RYR1: variants seen among roughly 807,000 people sequenced by gnomAD.
RYR1 encodes the protein ryanodine receptor 1, also known as central core disease of muscle.
In RYR1, 342 loss-of-function variants were observed where a neutral mutation model predicts 583.5. The observed-to-expected ratio is 0.59, with a 90% CI of 0.54 to 0.64. The LOEUF is 0.64. RYR1 is among the 30% of genes least tolerant of loss of function. The pLI, the probability that RYR1 is intolerant of heterozygous loss-of-function variation, is 0.00. For synonymous variants in RYR1, 2,791 were observed against 2,822.5 expected, an observed-to-expected ratio of 0.99 and a Z score of 0.35; for missense variants, 6,032 against 6,917.2, an observed-to-expected ratio of 0.87 and a Z score of 4.54.
At chr19:38,535,490 C>T (rs969703438) in intron 81 of RYR1, 98 bp downstream of exon 81, 13 of 926,560 alleles carry the variant, frequency 1.4e-5, no homozygotes, top group Non-Finnish European at 2.2e-5. Flanking sequence ...TCTTTCAGTC[C>T]AGGGAAAGAG....
rs112308583 is a variant in RYR1 at position 38,581,798 on chromosome 19, G to A, written c.14646+1294G>A. Among the ~76,000 whole-genome samples, 922 of 150,948 alleles carry A rather than the reference G, an allele frequency of 6.1e-3. 2 individuals are homozygous for A. The highest frequency in any genetic ancestry group is 8.6e-3 in the Non-Finnish European group (581 of 67,752). On this transcript the variant is annotated intron_variant, in intron 101 of 105. Transcript: ENST00000359596. ...ATTTTTAGTAGAGATGGAGGTGGGG[G>A]GGTCTCACAATGTTGGCCAGGCTTG...
rs1264401917 is a variant in RYR1 at position 38,517,677 on chromosome 19, T to G, written c.10004T>G (p.Met3335Arg). The G allele has an allele frequency of 6.2e-7, 1 of 1,614,110 alleles. No homozygotes were observed. The change falls in exon 66 of 106, where the codon ATG (methionine) becomes AGG (arginine). Residue 3335 changes from methionine to arginine, a missense_variant. Met to Arg is a moderately conservative substitution (Grantham distance 91, BLOSUM62 -1). Transcript: ENST00000359596. The part of the protein sequence containing the change: ...NNLGIDEASW[M>R]KRLAVFAQPI... ...CTGGGCATTGACGAGGCCTCCTGGA[T>G]GAAGCGGCTGGCTGGTGGGTCGGGG...
intron 29 of RYR1, 37 bp downstream of exon 29, chr19:38,475,487 G>C: frequency 3.1e-6 from 5 of 1,611,074 alleles, no homozygotes; most frequent in Non-Finnish European, 4.2e-6. Flanking sequence ...GGGTCCCCCC[G>C]CATAGCATAG....
intron 76 of RYR1, among the ~76,000 whole-genome samples, chr19:38,531,741 C>CA (rs564846148): frequency 8.6e-5 from 13 of 151,976 alleles, no homozygotes; most frequent in Non-Finnish European, 1.3e-4. Context: ...CCTGTCTCTA[C>CA]AAAAAAATGG....
intron 42 of RYR1, among the ~76,000 whole-genome samples, chr19:38,498,703 C>T (rs1451614524): frequency 6.6e-6 from 1 of 152,152 alleles, no homozygotes; most frequent in Non-Finnish European, 1.5e-5. Context: ...ATTGCCATGA[C>T]ATTTGTAAAC....
chr19:38,440,336 C>T (rs962889446), intron 1 of RYR1, among the ~76,000 whole-genome samples: 6 of 151,994 alleles, frequency 3.9e-5, no homozygotes, highest in African/African-American at 9.7e-5. Context: ...GTCAGGAGTT[C>T]GAGAGCAGCC....
In RYR1 at chr19:38,578,269, C is replaced by T. The variant is rs369244918; in HGVS notation, c.14364+65C>T. 33 of 1,539,992 alleles carry T rather than the reference C, an allele frequency of 2.1e-5. No homozygotes were observed. In the African/African-American group the frequency reaches 3.0e-4, roughly 14 times the overall value. On this transcript the variant is annotated intron_variant, in intron 99 of 105. Coordinates refer to ENST00000359596, the MANE Select transcript of RYR1 (RefSeq NM_000540.3). ...GGTGGGGCGTTAGGAGGGTTCCCAA[C>T]GTCGGGTGTTCCTGACCAAAGAATG...
In RYR1 at chr19:38,499,405, T is replaced by C. The variant is rs1455482017; in HGVS notation, c.7027+162T>C. ...GGGGCCTGTGTTACCCCTGGAGGTGTTGGGTCCTGTGGCTGGCAGTGTTGG... is the reference window on the plus strand; with the variant it reads ...GGGGCCTGTGTTACCCCTGGAGGTGCTGGGTCCTGTGGCTGGCAGTGTTGG... On this transcript the variant is annotated intron_variant, in intron 43 of 105. Coordinates refer to ENST00000359596, the MANE Select transcript of RYR1 (RefSeq NM_000540.3). This position sits in a 1 kb window ranked among gnomAD's most constrained non-coding sequence, Gnocchi z 7.3. Among the ~76,000 whole-genome samples, 3 of 151,754 alleles carry C rather than the reference T, an allele frequency of 2.0e-5. No homozygotes were observed. Among genetic ancestry groups the C allele is most frequent in the Non-Finnish European group, 2.9e-5 (2 of 67,908 alleles).
In RYR1 at chr19:38,467,620, G is replaced by GACTGCAC; in HGVS notation, c.3190_3191insCTGCACA (p.Asn1064ThrfsTer8). ...TGGCCTCATTTATAGGTCAGGTGGA[G>GACTGCAC]AACCAGTCTCGTTGTGACCGGGTGC... On this transcript the variant is annotated frameshift_variant, in exon 25 of 106. Coordinates refer to ENST00000359596, the MANE Select transcript of RYR1 (RefSeq NM_000540.3). LOFTEE classifies it high-confidence loss of function. 1 of 1,614,220 alleles carries GACTGCAC rather than the reference G, an allele frequency of 6.2e-7. No homozygotes were observed.
chr19:38,482,919 C>T (rs962503280), intron 31 of RYR1, 108 bp from the exon 32 acceptor site: 1 of 978,338 alleles, frequency 1.0e-6, no homozygotes, highest in Non-Finnish European at 1.7e-6. Context: ...TTTGGAGCCT[C>T]TAACGCCCAG....
intron 20 of RYR1, among the ~76,000 whole-genome samples, chr19:38,461,109 G>A (rs368752546): frequency 6.6e-6 from 1 of 152,182 alleles, no homozygotes; most frequent in African/African-American, 2.4e-5. Flanking sequence ...AGCCAAGATC[G>A]TGCCACTACA....
chr19:38,534,753 C>A lies in RYR1; in HGVS notation c.11293C>A (p.Gln3765Lys). The A allele has an allele frequency of 6.2e-7, 1 of 1,614,048 alleles. No homozygotes were observed. The highest frequency in any genetic ancestry group is 1.1e-5 in the South Asian group (1 of 91,022). ...GATGGAGAAGCAGAGGCTCTTGTAC[C>A]AGCAAGCACGGCTGCACACCCGGGG... ...KQMEKQRLLYQQARLHTRGAA... is the reference protein window; with the variant it reads ...KQMEKQRLLYKQARLHTRGAA... The change falls in exon 79 of 106, where the codon CAG (glutamine) becomes AAG (lysine). Residue 3765 changes from glutamine (Q) to lysine (K), a missense_variant. By Grantham distance (53) the Gln-to-Lys change is moderately conservative. Coordinates refer to ENST00000359596, the MANE Select transcript of RYR1 (RefSeq NM_000540.3).
In RYR1 at chr19:38,483,157, CAGG is replaced by C. The variant is rs1442329593; in HGVS notation, c.4707+47_4707+49del. ...GGGCACTAATGGGGCCAGGCTGAGG[CAGG>C]AGATGTGGGGAGGCCAGGCGGGCAG... is the stretch of plus-strand genomic sequence containing the variant. On this transcript the variant is annotated intron_variant, in intron 32 of 105. Transcript: ENST00000359596. This position sits in a 1 kb window ranked among gnomAD's most constrained non-coding sequence, Gnocchi z 6.3. 4 of 1,603,720 alleles carry C rather than the reference CAGG, an allele frequency of 2.5e-6. No homozygotes were observed. The highest frequency in any genetic ancestry group is 3.4e-6 in the Non-Finnish European group (4 of 1,170,666).
Position 38,544,746 on chromosome 19 carries a change from C to CTGTTGGTATCCTAAAATTCTAGAGAG in RYR1, c.12012+882_12012+907dup, listed in dbSNP as rs1287258181. Among the ~76,000 whole-genome samples the CTGTTGGTATCCTAAAATTCTAGAGAG allele has an allele frequency of 2.0e-3, 299 of 152,276 alleles. 6 individuals carry two copies. The highest frequency in any genetic ancestry group is 2.9e-3 in the East Asian group (15 of 5,190). ...CCGTGTCACAGCAGCTGAAGTTGTG[C>CTGTTGGTATCCTAAAATTCTAGAGAG]TGTTGGTATCCTAAAATTCTAGAGA... On this transcript the variant is annotated intron_variant, in intron 87 of 105. Transcript: ENST00000359596.
chr19:38,566,476 A>C (rs1251278267), intron 91 of RYR1, among the ~76,000 whole-genome samples: 2 of 147,792 alleles, frequency 1.4e-5, no homozygotes, highest in Admixed American at 6.8e-5. Flanking sequence ...AAAAAAAAAA[A>C]AGGAAAAGAA....
intron 91 of RYR1, 66 bp from the exon 92 acceptor site, chr19:38,566,845 A>AGCAG: frequency 6.4e-7 from 1 of 1,558,452 alleles, no homozygotes; most frequent in South Asian, 1.2e-5. Flanking sequence ...AGATGAGAGG[A>AGCAG]GCAGGCAGGC....
rs750809668 is a variant in RYR1, at chr19:38,455,651, A to T, written c.1691A>T (p.Tyr564Phe). The change falls in exon 16 of 106, where the codon TAC becomes TTC. Residue 564 changes from tyrosine (Y) to phenylalanine (F), a missense_variant. Around this residue, in one of 11 missense-constraint regions of RYR1, gnomAD observed 2,627 missense variants for 2,961.3 expected, o/e 0.89. Coordinates refer to ENST00000359596, the MANE Select transcript of RYR1 (RefSeq NM_000540.3). ...EASSGILEVL[Y>F]CVLIESPEVL... Reference sequence around the variant, plus strand: ...CTGGCAGGCATCCTGGAGGTCCTGTACTGTGTCCTCATTGAGAGTCCAGAG... The same window carrying T: ...CTGGCAGGCATCCTGGAGGTCCTGTTCTGTGTCCTCATTGAGAGTCCAGAG... 6 of 1,613,648 alleles carry T rather than the reference A, an allele frequency of 3.7e-6. No individual in the cohort carries two copies. The highest frequency in any genetic ancestry group is 5.1e-6 in the Non-Finnish European group (6 of 1,179,606).
intron 37 of RYR1, among the ~76,000 whole-genome samples, chr19:38,491,779 A>G (rs1288421936): frequency 6.6e-6 from 1 of 151,976 alleles, no homozygotes; most frequent in Non-Finnish European, 1.5e-5. Context: ...GACAATCTCT[A>G]TGTCCTATCT....
intron 82 of RYR1, 106 bp downstream of exon 82, chr19:38,536,176 C>T: frequency 9.3e-7 from 1 of 1,081,060 alleles, no homozygotes. Flanking sequence ...CTCCAAGACA[C>T]TGGTTCCCAA....
Sources: gnomAD v4.1 joint callset for allele counts (sites outside exome capture counted in the v4.1 genomes callset) on GRCh38, gnomAD v4.1.1 for gene constraint, gnomAD v4.1.1 regional missense constraint, Gnocchi (gnomAD v3.1) non-coding constraint, MANE v1.5 for transcripts, NCBI Gene and HGNC (gene_info 2026-07-23, HGNC 2026-07-21) for gene names.